C3orf20: variants seen among roughly 807,000 people sequenced by gnomAD.
C3orf20 encodes the protein uncharacterized protein C3orf20.
Under a neutral mutation model 88.3 loss-of-function variants are expected in C3orf20, and 76 were observed. That is an observed-to-expected ratio of 0.86 (90% CI 0.72 to 1.04). The LOEUF is 1.04. C3orf20 is among the 50% of genes least tolerant of loss of function. The pLI is 0.00. For missense variants in C3orf20, 1,056 were observed against 1,123.3 expected (o/e 0.94, Z 0.86); for synonymous variants, 436 against 437.4 (o/e 1.00, Z 0.04).
chr3:14,732,185 C>A (rs976227050), intron 12 of C3orf20, among the ~76,000 whole-genome samples: 2 of 152,220 alleles, frequency 1.3e-5, no homozygotes, highest in Non-Finnish European at 2.9e-5. Flanking sequence ...TTTTTGCCAT[C>A]TGATAGACAT....
chr3:14,680,368 A>T (rs1185420206), intron 1 of C3orf20, among the ~76,000 whole-genome samples: 1 of 152,230 alleles, frequency 6.6e-6, no homozygotes, highest in East Asian at 1.9e-4. Context: ...GGATGAATTT[A>T]AAAAACATTA....
intron 7 of C3orf20, 73 bp downstream of exon 7, chr3:14,704,691 C>G (rs1237886419): frequency 1.9e-6 from 3 of 1,541,036 alleles, no homozygotes; most frequent in Admixed American, 1.8e-5. Flanking sequence ...TTGATACAGC[C>G]TAAATGTTTC....
At chr3:14,738,347 T>C (rs1028403023) in intron 12 of C3orf20, among the ~76,000 whole-genome samples, 31 of 150,642 alleles carry the variant, frequency 2.1e-4, no homozygotes, top group Non-Finnish European at 4.3e-4. Context: ...TTTTTTTTTT[T>C]AGATGGAGTC....
chr3:14,719,004 C>T lies in C3orf20; in HGVS notation c.1435-2649C>T, dbSNP rs150006008. Among the ~76,000 whole-genome samples, 4 of 152,318 alleles carry T rather than the reference C, an allele frequency of 2.6e-5. No homozygotes were observed. The East Asian group carries it at 7.7e-4, about 29-fold the overall frequency. ...GAAAGATGGTGGAGTTTGGCCATGA[C>T]TGTGGCCTGCCTTCAGGCTAAAGCC... On this transcript the variant is annotated intron_variant, in intron 9 of 16. Coordinates refer to ENST00000253697, the MANE Select transcript of C3orf20 (RefSeq NM_032137.5).
At chr3:14,709,220 G>A (rs1437302231) in intron 7 of C3orf20, among the ~76,000 whole-genome samples, 1 of 152,100 alleles carries the variant, frequency 6.6e-6, no homozygotes, top group Non-Finnish European at 1.5e-5. Flanking sequence ...TCTTGTATCT[G>A]TAACTTTTCT....
chr3:14,722,596 C>T (rs1036340559), intron 10 of C3orf20: 7 of 456,320 alleles, frequency 1.5e-5, no homozygotes, highest in Admixed American at 4.7e-5. Context: ...TCTGCTCAGC[C>T]CCCCTGGCCG....
intron 10 of C3orf20, chr3:14,722,318 C>A: frequency 2.6e-6 from 1 of 379,022 alleles, no homozygotes; most frequent in South Asian, 1.9e-5. Flanking sequence ...CTATTAACTG[C>A]CCATGCGTGA....
chr3:14,690,201 G>T, intron 5 of C3orf20, 85 bp downstream of exon 5: 1 of 1,581,878 alleles, frequency 6.3e-7, no homozygotes, highest in Non-Finnish European at 8.6e-7. Context: ...GTGTAGGTTG[G>T]TGGGATGGTT....
chr3:14,759,507 G>A (rs150958228), intron 13 of C3orf20, among the ~76,000 whole-genome samples: 10 of 152,258 alleles, frequency 6.6e-5, no homozygotes, highest in African/African-American at 2.4e-4. Flanking sequence ...GCTGTGTAAA[G>A]TAGACTCAAA....
chr3:14,736,474 A>G (rs1039699715), intron 12 of C3orf20, among the ~76,000 whole-genome samples: 5 of 152,032 alleles, frequency 3.3e-5, no homozygotes, highest in Non-Finnish European at 7.4e-5. Context: ...TATTTTTAGT[A>G]GAGATGAGAT....
At chr3:14,752,672 G>A (rs922934291) in intron 12 of C3orf20, among the ~76,000 whole-genome samples, 2 of 152,246 alleles carry the variant, frequency 1.3e-5, no homozygotes, top group South Asian at 4.1e-4. Flanking sequence ...CAAAAAGTGG[G>A]CAAAGGATAT....
intron 7 of C3orf20, among the ~76,000 whole-genome samples, chr3:14,707,457 G>GTT (rs1314348692): frequency 7.4e-4 from 108 of 146,340 alleles, no homozygotes; most frequent in Non-Finnish European, 1.3e-3. Flanking sequence ...GTGTGTGTGT[G>GTT]TGTGTGTGTG....
At chr3:14,696,247 A>G (rs2032993589) in intron 5 of C3orf20, among the ~76,000 whole-genome samples, 1 of 151,726 alleles carries the variant, frequency 6.6e-6, no homozygotes, top group Non-Finnish European at 1.5e-5. Context: ...TTGCATAAAC[A>G]AAGAAACAAG....
chr3:14,727,727 C>T (rs1198506360), intron 11 of C3orf20, among the ~76,000 whole-genome samples: 1 of 152,194 alleles, frequency 6.6e-6, no homozygotes, highest in Non-Finnish European at 1.5e-5. Context: ...GGTCACACCT[C>T]CTTTGGGCTC....
At chr3:14,760,514 T>G (rs1017266762) in intron 14 of C3orf20, among the ~76,000 whole-genome samples, 1 of 152,200 alleles carries the variant, frequency 6.6e-6, no homozygotes, top group African/African-American at 2.4e-5. Context: ...TTTGCAATTC[T>G]TCTTTTTAAA....
At chr3:14,737,985 G>A (rs2034772688) in intron 12 of C3orf20, among the ~76,000 whole-genome samples, 1 of 151,904 alleles carries the variant, frequency 6.6e-6, no homozygotes, top group Non-Finnish European at 1.5e-5. Context: ...GCAGCAATTC[G>A]GTCACATCTT....
chr3:14,697,419 C>T (rs892195619), intron 5 of C3orf20, among the ~76,000 whole-genome samples: 1 of 152,004 alleles, frequency 6.6e-6, no homozygotes, highest in Non-Finnish European at 1.5e-5. Flanking sequence ...TTCAAGCTCA[C>T]TAATTCTTTC....
At chr3:14,725,507 T>C (rs1267615966) in intron 10 of C3orf20, among the ~76,000 whole-genome samples, 1 of 152,200 alleles carries the variant, frequency 6.6e-6, no homozygotes, top group Non-Finnish European at 1.5e-5. Flanking sequence ...GTTTAAATGC[T>C]TTATTAGCCC....
At chr3:14,743,148 C>A (rs745686134) in intron 12 of C3orf20, among the ~76,000 whole-genome samples, 3 of 151,952 alleles carry the variant, frequency 2.0e-5, no homozygotes, top group Non-Finnish European at 4.4e-5. Flanking sequence ...AAGGCAAGTC[C>A]CTTCCGCCTG....
Sources: allele counts gnomAD v4.1 joint callset (sites outside exome capture counted in the v4.1 genomes callset), GRCh38; gene constraint gnomAD v4.1.1; transcripts MANE v1.5; gene names NCBI Gene and HGNC (gene_info 2026-07-23, HGNC 2026-07-21).